The following NTRK3 variants were observed in gnomAD, a reference collection of about 807,000 sequenced individuals.
NTRK3 encodes the protein NT-3 growth factor receptor.
A neutral mutation model predicts 91.7 loss-of-function variants in NTRK3; 24 were observed. That is an observed-to-expected ratio of 0.26 (90% confidence interval 0.19 to 0.37). The LOEUF (loss-of-function observed/expected upper bound fraction) is 0.37. Among genes scored for constraint, NTRK3 ranks in the 10% least tolerant of loss-of-function variants. The pLI is 1.00. For missense variants in NTRK3, 880 were observed against 1,068.9 expected, an observed-to-expected ratio of 0.82 and a Z score of 2.46; for synonymous variants, 483 against 404.0, an observed-to-expected ratio of 1.20 and a Z score of -2.34.
At chr15:88,113,314 T>TTC (rs1312541865) in intron 13 of NTRK3, among the ~76,000 whole-genome samples, 3 of 86,540 alleles carry the variant, frequency 3.5e-5, no homozygotes, top group Admixed American at 2.4e-4. Flanking sequence ...TCAATTTCTT[T>TTC]TTTTTTTTTT....
intron 14 of NTRK3, among the ~76,000 whole-genome samples, chr15:87,970,096 C>T (rs1391345741): frequency 1.3e-5 from 2 of 152,324 alleles, no homozygotes; most frequent in East Asian, 3.9e-4. Flanking sequence ...GCAAACTCTA[C>T]TAGCTACTCA....
intron 13 of NTRK3, among the ~76,000 whole-genome samples, chr15:88,090,580 C>G (rs2048929068): frequency 6.6e-6 from 1 of 152,176 alleles, no homozygotes; most frequent in Admixed American, 6.5e-5. Context: ...CATTCCTCCT[C>G]CAGAAATGAC....
intron 3 of NTRK3, among the ~76,000 whole-genome samples, chr15:88,247,944 C>T (rs1465373689): frequency 6.6e-6 from 1 of 152,190 alleles, no homozygotes; most frequent in Non-Finnish European, 1.5e-5. Flanking sequence ...CCAGCTCCAG[C>T]TGCCCAGCGC....
intron 5 of NTRK3, among the ~76,000 whole-genome samples, chr15:88,177,373 A>T (rs1597783290): frequency 6.6e-6 from 1 of 152,220 alleles, no homozygotes; most frequent in East Asian, 1.9e-4. Context: ...GGCTACTGTC[A>T]CAGTGTCAGA....
At chr15:88,087,220 C>A (rs1005423426) in intron 13 of NTRK3, among the ~76,000 whole-genome samples, 2 of 152,170 alleles carry the variant, frequency 1.3e-5, no homozygotes, top group Admixed American at 1.3e-4. Flanking sequence ...AAAGTGAGAA[C>A]AGTACTGCAG....
At chr15:88,132,049 C>T (rs1251657070) in intron 10 of NTRK3, 1 of 195,788 alleles carries the variant, frequency 5.1e-6, no homozygotes, top group Non-Finnish European at 1.1e-5. Context: ...TTAATCTTCA[C>T]CACAACCTTT....
At position 87,942,472 on chromosome 15, in the gene NTRK3, G is replaced by A. The variant is rs549803402; in HGVS notation, c.1586-1719C>T. On this transcript the variant is annotated intron_variant, in intron 14 of 18. Transcript: ENST00000394480. ...AAAATAGGAAGTCAGGCCCTCTCTC[G>A]GGAGGCCACCTGCTCCTGCTACCTA... Among the ~76,000 whole-genome samples the A allele has an allele frequency of 5.3e-5, 8 of 152,200 alleles. No homozygotes were observed. The East Asian group carries it at 5.8e-4, about 11-fold the overall frequency.
chr15:88,180,778 T>C (rs1355901845), intron 5 of NTRK3, among the ~76,000 whole-genome samples: 1 of 151,580 alleles, frequency 6.6e-6, no homozygotes, highest in Non-Finnish European at 1.5e-5. Flanking sequence ...CCAGAAGACT[T>C]GTAAATGCAT....
At chr15:87,965,425 A>G (rs182368670) in intron 14 of NTRK3, among the ~76,000 whole-genome samples, 47 of 152,262 alleles carry the variant, frequency 3.1e-4, no homozygotes, top group African/African-American at 1.0e-3. Flanking sequence ...TCTTTCCTTT[A>G]TGATGCTGGT....
At chr15:87,979,267 A>G (rs1025987917) in intron 14 of NTRK3, 17 of 1,052,584 alleles carry the variant, frequency 1.6e-5, no homozygotes, top group Admixed American at 3.4e-5. Flanking sequence ...CAAAGAGAAC[A>G]ATGCCTAGAG....
intron 13 of NTRK3, among the ~76,000 whole-genome samples, chr15:88,065,867 T>G (rs1187379689): frequency 6.6e-6 from 1 of 152,324 alleles, no homozygotes; most frequent in Admixed American, 6.5e-5. Context: ...TCTGATCCTC[T>G]TCATGCCTCA....
At chr15:87,862,881 T>C (rs193025305) in exon 19 of NTRK3, 79 of 230,946 alleles carry the variant, frequency 3.4e-4, no homozygotes, top group Admixed American at 2.4e-3. Context: ...GCAGCATCAC[T>C]GGGACCTTTT....
At chr15:87,936,041 G>C (rs1328118421) in intron 15 of NTRK3, among the ~76,000 whole-genome samples, 1 of 152,180 alleles carries the variant, frequency 6.6e-6, no homozygotes, top group Non-Finnish European at 1.5e-5. Context: ...GAGGTGACAG[G>C]AGGAGAATAA....
At chr15:88,082,983 G>C (rs1567360490) in intron 13 of NTRK3, among the ~76,000 whole-genome samples, 1 of 152,170 alleles carries the variant, frequency 6.6e-6, no homozygotes, top group East Asian at 1.9e-4. Flanking sequence ...AAAATTAAGA[G>C]GGAAGGATAA....
intron 14 of NTRK3, among the ~76,000 whole-genome samples, chr15:87,948,775 C>A (rs2070815782): frequency 6.6e-6 from 1 of 152,178 alleles, no homozygotes; most frequent in Admixed American, 6.5e-5. Flanking sequence ...TGAATGACCA[C>A]CAGCCCTGAT....
chr15:87,923,421 A>G (rs2068038912), intron 17 of NTRK3, among the ~76,000 whole-genome samples: 1 of 152,166 alleles, frequency 6.6e-6, no homozygotes, highest in African/African-American at 2.4e-5. Flanking sequence ...TAGCATGACC[A>G]AGGAAGGACC....
chr15:88,113,057 T>C (rs561344947), intron 13 of NTRK3, among the ~76,000 whole-genome samples: 2 of 152,280 alleles, frequency 1.3e-5, no homozygotes, highest in Non-Finnish European at 2.9e-5. Context: ...ACTGTGGCAT[T>C]ACCGCTTTCT....
In NTRK3 at chr15:87,989,263, T is replaced by A. The variant is rs1244897955; in HGVS notation, c.1585+43594A>T. Among the ~76,000 whole-genome samples the A allele has an allele frequency of 2.0e-5, 3 of 152,310 alleles. No individual in the cohort carries two copies. The South Asian group carries it at 6.2e-4, about 32-fold the overall frequency. On this transcript the variant is annotated intron_variant, in intron 14 of 18. Coordinates refer to ENST00000394480, the Ensembl canonical transcript of NTRK3. ...GACTTGGAACCAACCCAAATGTCCATCAATGATAGACTGGATTAAGAAAAT... is the reference window on the plus strand; with the variant it reads ...GACTTGGAACCAACCCAAATGTCCAACAATGATAGACTGGATTAAGAAAAT...
At chr15:88,106,018 G>A (rs1038789748) in intron 13 of NTRK3, among the ~76,000 whole-genome samples, 1 of 152,220 alleles carries the variant, frequency 6.6e-6, no homozygotes, top group Non-Finnish European at 1.5e-5. Context: ...TGCCTCCATT[G>A]CACTCTGTGA....
Sources: allele counts gnomAD v4.1 joint callset (sites outside exome capture counted in the v4.1 genomes callset), GRCh38; gene constraint gnomAD v4.1.1; transcripts MANE v1.5; gene names NCBI Gene and HGNC (gene_info 2026-07-23, HGNC 2026-07-21).